Variants in JARID2 observed in about 807,000 individuals in gnomAD.
JARID2 encodes the protein jumonji and AT-rich interaction domain containing 2.
A neutral mutation model predicts 125.6 loss-of-function variants in JARID2; 21 were observed. The observed-to-expected ratio is 0.17, with a 90% CI of 0.12 to 0.24. The LOEUF is 0.24. JARID2 is among the 10% of genes least tolerant of loss of function. The probability of loss-of-function intolerance (pLI) is 1.00; values close to 1 mark genes in which losing one functional copy is unlikely to be tolerated. For missense variants in JARID2, 1,303 were observed against 1,639.6 expected, an observed-to-expected ratio of 0.79 and a Z score of 3.55; for synonymous variants, 736 against 661.6, an observed-to-expected ratio of 1.11 and a Z score of -1.73.
At chr6:15,319,868 A>C (rs1203085409) in intron 1 of JARID2, among the ~76,000 whole-genome samples, 1 of 152,220 alleles carries the variant, frequency 6.6e-6, no homozygotes, top group East Asian at 1.9e-4. Context: ...AATTTGATGC[A>C]GTCATCAAGG....
chr6:15,470,567 T>C (rs1218609128), intron 5 of JARID2, among the ~76,000 whole-genome samples: 1 of 152,242 alleles, frequency 6.6e-6, no homozygotes, highest in Non-Finnish European at 1.5e-5. Context: ...TGCCTCTTGC[T>C]TTTGATTGTG....
At chr6:15,411,472 C>T (rs908400772) in intron 3 of JARID2, among the ~76,000 whole-genome samples, 1 of 152,144 alleles carries the variant, frequency 6.6e-6, no homozygotes, top group Non-Finnish European at 1.5e-5. Flanking sequence ...TCTCTTCATC[C>T]TCAGCACTTT....
At chr6:15,333,287 G>A (rs556776685) in intron 1 of JARID2, among the ~76,000 whole-genome samples, 3 of 152,170 alleles carry the variant, frequency 2.0e-5, no homozygotes, top group African/African-American at 7.2e-5. Flanking sequence ...TTCACAGTTA[G>A]GCAAGCCATT....
intron 1 of JARID2, among the ~76,000 whole-genome samples, chr6:15,252,379 C>T (rs1759491351): frequency 6.6e-6 from 1 of 152,122 alleles, no homozygotes; most frequent in Non-Finnish European, 1.5e-5. Flanking sequence ...TGGTTCTTGT[C>T]ATCTCTGATA....
At chr6:15,399,237 T>A (rs1243636563) in intron 2 of JARID2, among the ~76,000 whole-genome samples, 3 of 152,092 alleles carry the variant, frequency 2.0e-5, no homozygotes, top group Admixed American at 2.0e-4. Flanking sequence ...CTGTAGGGAA[T>A]TGTATATTGA....
intron 5 of JARID2, among the ~76,000 whole-genome samples, chr6:15,485,796 A>T (rs1487618269): frequency 1.3e-5 from 2 of 152,200 alleles, no homozygotes; most frequent in African/African-American, 4.8e-5. Flanking sequence ...ACATTAATAT[A>T]ATTTAAAGGA....
At chr6:15,422,049 C>T (rs1424877271) in intron 3 of JARID2, among the ~76,000 whole-genome samples, 1 of 150,690 alleles carries the variant, frequency 6.6e-6, no homozygotes, top group East Asian at 1.9e-4. Flanking sequence ...AAAGTTTTAG[C>T]TTATCTTGAG....
intron 3 of JARID2, among the ~76,000 whole-genome samples, chr6:15,428,100 T>C (rs1008833283): frequency 1.3e-5 from 2 of 152,174 alleles, no homozygotes; most frequent in Non-Finnish European, 2.9e-5. Flanking sequence ...CCAAAGTGAC[T>C]TGTTTTAGAA....
chr6:15,292,774 C>G (rs907673365), intron 1 of JARID2, among the ~76,000 whole-genome samples: 1 of 152,204 alleles, frequency 6.6e-6, no homozygotes. Context: ...GTTAAGTGAT[C>G]GTCCACTTCA....
At chr6:15,514,045 C>G (rs1224761373) in intron 16 of JARID2, among the ~76,000 whole-genome samples, 1 of 152,262 alleles carries the variant, frequency 6.6e-6, no homozygotes, top group Non-Finnish European at 1.5e-5. Context: ...CTGTGCCCTG[C>G]TGGCTTCCTC....
chr6:15,445,683 A>G (rs1238553287), intron 3 of JARID2, among the ~76,000 whole-genome samples: 1 of 152,198 alleles, frequency 6.6e-6, no homozygotes, highest in Non-Finnish European at 1.5e-5. Flanking sequence ...GCCTGGGAAC[A>G]GTTGTGCTGT....
chr6:15,265,558 A>G (rs1760051059), intron 1 of JARID2, among the ~76,000 whole-genome samples: 1 of 151,970 alleles, frequency 6.6e-6, no homozygotes, highest in African/African-American at 2.4e-5. Context: ...CTGCTTTGGG[A>G]CTTGCCCTCA....
At chr6:15,252,899 G>A (rs981499964) in intron 1 of JARID2, among the ~76,000 whole-genome samples, 29 of 151,932 alleles carry the variant, frequency 1.9e-4, no homozygotes, top group African/African-American at 6.5e-4. Flanking sequence ...CCTCACCCTT[G>A]CAGGCATCTT....
At chr6:15,278,277 G>C (rs1484400655) in intron 1 of JARID2, among the ~76,000 whole-genome samples, 1 of 151,278 alleles carries the variant, frequency 6.6e-6, no homozygotes, top group Non-Finnish European at 1.5e-5. Context: ...GGCTCTGCCA[G>C]CAAAATTTCA....
At chr6:15,392,079 CGT>C (rs1765039191) in intron 2 of JARID2, among the ~76,000 whole-genome samples, 4 of 34,304 alleles carry the variant, frequency 1.2e-4, no homozygotes, top group Admixed American at 3.5e-4. Context: ...TGTGTGTGTG[CGT>C]GTCTGGAGGT....
intron 1 of JARID2, among the ~76,000 whole-genome samples, chr6:15,368,911 C>T (rs1764068784): frequency 1.3e-5 from 2 of 151,962 alleles, no homozygotes; most frequent in African/African-American, 4.8e-5. Flanking sequence ...ATCTGGGCAT[C>T]AGTGCAGATT....
intron 3 of JARID2, among the ~76,000 whole-genome samples, chr6:15,412,563 A>C (rs1490209665): frequency 1.3e-5 from 2 of 152,124 alleles, no homozygotes; most frequent in African/African-American, 4.8e-5. Context: ...CCCACCTCCG[A>C]AAGTGCTGGG....
intron 1 of JARID2, among the ~76,000 whole-genome samples, chr6:15,368,310 G>A (rs1764047510): frequency 6.6e-6 from 1 of 152,130 alleles, no homozygotes; most frequent in African/African-American, 2.4e-5. Flanking sequence ...ATCACTGGGA[G>A]CTGTGCTTTT....
At chr6:15,514,561 C>T (rs80334037) in intron 16 of JARID2, among the ~76,000 whole-genome samples, 2,786 of 152,294 alleles carry the variant, frequency 0.018, 36 homozygotes, top group Non-Finnish European at 0.026. Context: ...TGTGTCATGC[C>T]GTCTCACCCC....
Sources: gnomAD v4.1 joint callset for allele counts (sites outside exome capture counted in the v4.1 genomes callset) on GRCh38, gnomAD v4.1.1 for gene constraint, MANE v1.5 for transcripts, NCBI Gene and HGNC (gene_info 2026-07-23, HGNC 2026-07-21) for gene names.